The following LRMDA variants were observed in gnomAD, a reference collection of about 807,000 sequenced individuals.
LRMDA encodes leucine rich melanocyte differentiation associated.
Under a neutral mutation model 29.8 loss-of-function variants are expected in LRMDA, and 18 were observed. That is an observed-to-expected ratio of 0.60 (90% CI 0.42 to 0.90). LRMDA has a LOEUF of 0.90. LRMDA is among the 40% of genes least tolerant of loss of function. The pLI, the probability that LRMDA is intolerant of heterozygous loss-of-function variation, is 0.00. For synonymous variants in LRMDA, 125 were observed against 109.4 expected (o/e 1.14, Z -0.89); for missense variants, 273 against 273.9 (o/e 1.00, Z 0.02).
chr10:76,181,895 T>C (rs921935622), intron 5 of LRMDA, among the ~76,000 whole-genome samples: 1 of 152,184 alleles, frequency 6.6e-6, no homozygotes, highest in Non-Finnish European at 1.5e-5. Context: ...TCCTTTGTTA[T>C]GTTTATTAGA....
At chr10:75,864,924 T>C (rs1844996076) in intron 2 of LRMDA, among the ~76,000 whole-genome samples, 1 of 152,186 alleles carries the variant, frequency 6.6e-6, no homozygotes, top group Admixed American at 6.5e-5. Flanking sequence ...TTAGAGATCA[T>C]CACAGGATTT....
chr10:76,076,691 C>A (rs762380525), intron 5 of LRMDA, among the ~76,000 whole-genome samples: 1 of 152,028 alleles, frequency 6.6e-6, no homozygotes, highest in Non-Finnish European at 1.5e-5. Context: ...TCTAACCTGG[C>A]CATTCTGGGT....
chr10:75,453,697 TTGG>T (rs1844484595), intron 2 of LRMDA, among the ~76,000 whole-genome samples: 1 of 152,032 alleles, frequency 6.6e-6, no homozygotes, highest in Non-Finnish European at 1.5e-5. Context: ...ATTTTGGGGG[TTGG>T]TGGAGCAGAA....
intron 5 of LRMDA, among the ~76,000 whole-genome samples, chr10:76,251,531 C>T (rs1299355243): frequency 6.6e-6 from 1 of 151,516 alleles, no homozygotes; most frequent in Non-Finnish European, 1.5e-5. Flanking sequence ...GGATTACAGG[C>T]GTGAGCCACC....
At chr10:75,737,745 G>T (rs1164718912) in intron 2 of LRMDA, among the ~76,000 whole-genome samples, 2 of 152,102 alleles carry the variant, frequency 1.3e-5, no homozygotes, top group Non-Finnish European at 2.9e-5. Flanking sequence ...GATGTATCAT[G>T]TTGCCCCTTA....
intron 5 of LRMDA, among the ~76,000 whole-genome samples, chr10:76,091,276 CGTGTGTGTGTGTGTGT>C (rs56145957): frequency 2.9e-4 from 42 of 146,904 alleles, no homozygotes; most frequent in African/African-American, 6.0e-4. Flanking sequence ...ACATGGTGGA[CGTGTGTGTGTGTGTGT>C]GTGTGTGTGT....
At chr10:75,932,166 A>C (rs1445401891) in intron 2 of LRMDA, among the ~76,000 whole-genome samples, 1 of 152,160 alleles carries the variant, frequency 6.6e-6, no homozygotes, top group Non-Finnish European at 1.5e-5. Context: ...CTGTGGCTGT[A>C]CTTTCTTAAG....
chr10:76,203,057 C>T (rs963004721), intron 5 of LRMDA, among the ~76,000 whole-genome samples: 2 of 152,018 alleles, frequency 1.3e-5, no homozygotes, highest in African/African-American at 4.8e-5. Flanking sequence ...AAAACTCAGC[C>T]CTGTGCTGAG....
intron 2 of LRMDA, among the ~76,000 whole-genome samples, chr10:75,794,746 A>G (rs1843623769): frequency 6.6e-6 from 1 of 152,158 alleles, no homozygotes; most frequent in East Asian, 1.9e-4. Flanking sequence ...ACTTTTGTAA[A>G]CAGACTGTTC....
chr10:76,535,197 AT>A (rs1843277364), intron 6 of LRMDA, among the ~76,000 whole-genome samples: 1 of 152,178 alleles, frequency 6.6e-6, no homozygotes, highest in African/African-American at 2.4e-5. Flanking sequence ...CAAGTCAGGC[AT>A]TTTGTAATGC....
At chr10:75,691,099 GATATATAGATCTATATATCTATATAC>G (rs1564541058) in intron 2 of LRMDA, among the ~76,000 whole-genome samples, 1 of 62,910 alleles carries the variant, frequency 1.6e-5, no homozygotes, top group African/African-American at 1.2e-4. Context: ...TATGTACATA[GATATATAGATCTATATATCTATATAC>G]ATAGATATAT....
At chr10:76,357,385 A>C (rs1841254821) in intron 6 of LRMDA, among the ~76,000 whole-genome samples, 1 of 152,150 alleles carries the variant, frequency 6.6e-6, no homozygotes, top group Non-Finnish European at 1.5e-5. Context: ...GCAGCATGGA[A>C]ATCTGATCCA....
intron 6 of LRMDA, among the ~76,000 whole-genome samples, chr10:76,366,690 G>A (rs112362040): frequency 8.5e-5 from 13 of 152,158 alleles, no homozygotes; most frequent in South Asian, 4.1e-4. Flanking sequence ...TGATTGTATC[G>A]TCAGCAAACA....
intron 2 of LRMDA, among the ~76,000 whole-genome samples, chr10:75,786,320 AT>A (rs900581263): frequency 1.1e-4 from 16 of 152,242 alleles, no homozygotes; most frequent in African/African-American, 3.4e-4. Context: ...ACAGTTGGGT[AT>A]TTGGGGCTCC....
At chr10:75,984,120 G>A (rs1847221770) in intron 2 of LRMDA, among the ~76,000 whole-genome samples, 1 of 152,166 alleles carries the variant, frequency 6.6e-6, no homozygotes, top group African/African-American at 2.4e-5. Flanking sequence ...ATATCACATG[G>A]CAAGTCTTTC....
chr10:76,223,694 C>G (rs190245182), intron 5 of LRMDA, among the ~76,000 whole-genome samples: 14 of 152,282 alleles, frequency 9.2e-5, no homozygotes, highest in Admixed American at 7.8e-4. Context: ...AGGGCTCCCA[C>G]CAGAACCAAC....
chr10:75,780,259 A>G (rs2204755), intron 2 of LRMDA, among the ~76,000 whole-genome samples: 60,877 of 151,830 alleles, frequency 0.4, 13,415 homozygotes, highest in South Asian at 0.54. Flanking sequence ...TGGGAGATCT[A>G]TACTGTGAAG....
rs777804531 is a variant in LRMDA at position 76,022,575 on chromosome 10, C to A, written c.132-13433C>A. Among the ~76,000 whole-genome samples, 11 of 152,210 alleles carry A rather than the reference C, an allele frequency of 7.2e-5. No homozygotes were observed. The East Asian group carries it at 2.1e-3, about 29-fold the overall frequency. On this transcript the variant is annotated intron_variant, in intron 2 of 6. Coordinates refer to ENST00000611255, the MANE Select transcript of LRMDA (RefSeq NM_001305581.2). The stretch of plus-strand genomic sequence containing the variant: ...GAAGTGGGCAATTAGCCTCAGGGCC[C>A]AGAGTGCAAGGATGTGCAGATCTGG...
intron 2 of LRMDA, among the ~76,000 whole-genome samples, chr10:75,896,591 G>A (rs937353551): frequency 3.9e-5 from 6 of 152,110 alleles, no homozygotes; most frequent in African/African-American, 1.2e-4. Context: ...AGTAGTCATT[G>A]CTGCCTCAAA....
Sources: gnomAD v4.1 joint callset for allele counts (sites outside exome capture counted in the v4.1 genomes callset) on GRCh38, gnomAD v4.1.1 for gene constraint, MANE v1.5 for transcripts, NCBI Gene and HGNC (gene_info 2026-07-23, HGNC 2026-07-21) for gene names.